FRMD6: variants seen among roughly 807,000 people sequenced by gnomAD.
The protein encoded by FRMD6 is FERM domain-containing protein 6.
In FRMD6, 37 loss-of-function variants were observed where a neutral mutation model predicts 73.2. The observed-to-expected ratio is 0.51, with a 90% CI of 0.39 to 0.66. The LOEUF is 0.66. Ranked by LOEUF, FRMD6 falls within the 30% of genes least tolerant of loss-of-function variation. The pLI, the probability that FRMD6 is intolerant of heterozygous loss-of-function variation, is 0.00. For synonymous variants in FRMD6, 273 were observed against 282.2 expected, an observed-to-expected ratio of 0.97 and a Z score of 0.33; for missense variants, 714 against 780.5, an observed-to-expected ratio of 0.91 and a Z score of 1.02.
intron 11 of FRMD6, among the ~76,000 whole-genome samples, chr14:51,720,963 C>T (rs1326502969): frequency 6.6e-6 from 1 of 152,154 alleles, no homozygotes; most frequent in Non-Finnish European, 1.5e-5. Flanking sequence ...ATTTGTGTCC[C>T]TCTTTTATAT....
At chr14:51,624,532 C>A (rs113247851) in intron 2 of FRMD6, among the ~76,000 whole-genome samples, 20 of 152,312 alleles carry the variant, frequency 1.3e-4, no homozygotes, top group African/African-American at 4.8e-4. Flanking sequence ...GCTTTTAATA[C>A]TGCTGACTTC....
the FRMD6 span, among the ~76,000 whole-genome samples, chr14:51,468,968 T>A: frequency 6.6e-6 from 1 of 152,162 alleles, no homozygotes; most frequent in Non-Finnish European, 1.5e-5. Context: ...TGAGATGGTG[T>A]TTTGCTCTGT....
chr14:51,555,590 T>G (rs1965592), intron 1 of FRMD6, among the ~76,000 whole-genome samples: 126,251 of 152,112 alleles, frequency 0.83, 52,699 homozygotes, highest in African/African-American at 0.91. Context: ...ATCACCTGAG[T>G]TTGGGAGTTT....
At chr14:51,414,108 G>A in the FRMD6 span, among the ~76,000 whole-genome samples, 1 of 152,170 alleles carries the variant, frequency 6.6e-6, no homozygotes, top group Non-Finnish European at 1.5e-5. Context: ...TAGGTTGCCT[G>A]TTCACTCTGA....
chr14:51,431,988 G>A, the FRMD6 span, among the ~76,000 whole-genome samples: 7 of 152,144 alleles, frequency 4.6e-5, no homozygotes, highest in South Asian at 1.5e-3. Flanking sequence ...TTCCAGCCCT[G>A]GAGACTACAA....
chr14:51,516,219 C>A (rs1884630603), intron 1 of FRMD6, among the ~76,000 whole-genome samples: 1 of 151,062 alleles, frequency 6.6e-6, no homozygotes, highest in Admixed American at 6.6e-5. Flanking sequence ...CCAAGACACA[C>A]TCACAAAAAA....
At chr14:51,599,847 T>C (rs997175079) in intron 2 of FRMD6, 3 of 149,574 alleles carry the variant, frequency 2.0e-5, no homozygotes, top group Non-Finnish European at 3.0e-5. Flanking sequence ...CTCTCACTTC[T>C]CTGTAAATGG....
At chr14:51,436,540 C>A in the FRMD6 span, 1 of 659,650 alleles carries the variant, frequency 1.5e-6, no homozygotes, top group Non-Finnish European at 2.6e-6. Flanking sequence ...TCAAAGTCCA[C>A]TGAAATCAAA....
intron 2 of FRMD6, among the ~76,000 whole-genome samples, chr14:51,605,063 C>T (rs1312223281): frequency 4.0e-5 from 6 of 151,742 alleles, no homozygotes; most frequent in Admixed American, 3.9e-4. Flanking sequence ...CCCTGTATCT[C>T]TACCCCTGCC....
the FRMD6 span, among the ~76,000 whole-genome samples, chr14:51,460,504 T>G: frequency 6.6e-6 from 1 of 152,362 alleles, no homozygotes; most frequent in African/African-American, 2.4e-5. Flanking sequence ...TAATGTTTCC[T>G]TAAGGTAGTT....
intron 6 of FRMD6, 23 bp downstream of exon 6, chr14:51,704,958 A>T (rs748823632): frequency 6.3e-6 from 10 of 1,584,422 alleles, no homozygotes; most frequent in African/African-American, 1.4e-5. Flanking sequence ...TTCAAATTCG[A>T]AAGAGTGTTT....
chr14:51,718,302 C>T (rs1020438804), intron 10 of FRMD6, among the ~76,000 whole-genome samples: 1 of 152,152 alleles, frequency 6.6e-6, no homozygotes, highest in Non-Finnish European at 1.5e-5. Context: ...TACTTGTCTT[C>T]TCGTGAGCAT....
At chr14:51,505,867 C>G (rs2145447) in intron 1 of FRMD6, among the ~76,000 whole-genome samples, 1 of 152,154 alleles carries the variant, frequency 6.6e-6, no homozygotes, top group Admixed American at 6.5e-5. Flanking sequence ...TTTCTTCACA[C>G]AGCCAATTGC....
intron 2 of FRMD6, among the ~76,000 whole-genome samples, chr14:51,630,925 A>G (rs1198254853): frequency 6.6e-6 from 1 of 152,182 alleles, no homozygotes; most frequent in Non-Finnish European, 1.5e-5. Flanking sequence ...CTCTGCTGCC[A>G]TATGTATATG....
intron 2 of FRMD6, among the ~76,000 whole-genome samples, chr14:51,573,416 G>A (rs1888238241): frequency 6.6e-6 from 1 of 152,198 alleles, no homozygotes; most frequent in Non-Finnish European, 1.5e-5. Context: ...GAGAGGGGAG[G>A]AAAGAAGGGT....
chr14:51,579,604 C>T (rs1043960175), intron 2 of FRMD6, among the ~76,000 whole-genome samples: 52 of 152,182 alleles, frequency 3.4e-4, no homozygotes, highest in African/African-American at 1.3e-3. Context: ...TAACACATCC[C>T]AGCACATAGT....
chr14:51,706,519 T>C (rs935874518), intron 6 of FRMD6, among the ~76,000 whole-genome samples: 2 of 152,082 alleles, frequency 1.3e-5, no homozygotes, highest in African/African-American at 4.8e-5. Flanking sequence ...CACCTTGAAC[T>C]TTAGGCTCTG....
At chr14:51,622,760 T>C (rs1890970377) in intron 2 of FRMD6, among the ~76,000 whole-genome samples, 1 of 152,136 alleles carries the variant, frequency 6.6e-6, no homozygotes, top group Non-Finnish European at 1.5e-5. Context: ...ACTGACGCAT[T>C]GTGTGGCTTT....
intron 1 of FRMD6, among the ~76,000 whole-genome samples, chr14:51,529,340 T>G (rs1885448894): frequency 6.6e-6 from 1 of 152,258 alleles, no homozygotes; most frequent in Non-Finnish European, 1.5e-5. Context: ...GCCTATCTAC[T>G]TTTCAGGATT....
Sources: gnomAD v4.1 joint callset for allele counts (sites outside exome capture counted in the v4.1 genomes callset) on GRCh38, gnomAD v4.1.1 for gene constraint, MANE v1.5 for transcripts, NCBI Gene and HGNC (gene_info 2026-07-23, HGNC 2026-07-21) for gene names.